BMAL1: variants seen among roughly 807,000 people sequenced by gnomAD.
The protein encoded by BMAL1 is basic helix-loop-helix ARNT like 1.
At chr11:13,316,589 A>G in the BMAL1 span, among the ~76,000 whole-genome samples, 1 of 152,176 alleles carries the variant, frequency 6.6e-6, no homozygotes, top group Non-Finnish European at 1.5e-5. Flanking sequence ...TGAAAACCCT[A>G]CCTAGATTCC....
At chr11:13,294,629 G>A in the BMAL1 span, among the ~76,000 whole-genome samples, 3 of 152,196 alleles carry the variant, frequency 2.0e-5, no homozygotes, top group African/African-American at 7.2e-5. Flanking sequence ...CAAGCCAAGG[G>A]CTTATAATGT....
At chr11:13,338,107 G>A in the BMAL1 span, among the ~76,000 whole-genome samples, 1 of 152,222 alleles carries the variant, frequency 6.6e-6, no homozygotes, top group Middle Eastern at 3.4e-3. Context: ...TACGACTCAT[G>A]CCTGTTCAGA....
chr11:13,331,636 T>A, the BMAL1 span, among the ~76,000 whole-genome samples: 1 of 152,188 alleles, frequency 6.6e-6, no homozygotes, highest in Non-Finnish European at 1.5e-5. Context: ...GCCCCACCCC[T>A]GGTAGAAGAA....
chr11:13,334,831 G>T, the BMAL1 span, among the ~76,000 whole-genome samples: 1 of 152,216 alleles, frequency 6.6e-6, no homozygotes, highest in Non-Finnish European at 1.5e-5. Flanking sequence ...GAGAAAGATG[G>T]CCCATGACTT....
At chr11:13,297,594 CTTGCCA>C in the BMAL1 span, among the ~76,000 whole-genome samples, 1 of 152,150 alleles carries the variant, frequency 6.6e-6, no homozygotes, top group African/African-American at 2.4e-5. Context: ...GCCCATTGCC[CTTGCCA>C]TGTGTCCCCA....
At chr11:13,295,588 T>G in the BMAL1 span, among the ~76,000 whole-genome samples, 2 of 152,252 alleles carry the variant, frequency 1.3e-5, no homozygotes, top group African/African-American at 4.8e-5. Flanking sequence ...TGGACCAGCC[T>G]GGGGCCTTCA....
At chr11:13,374,281 A>G in the BMAL1 span, 4 of 1,311,212 alleles carry the variant, frequency 3.1e-6, no homozygotes, top group Non-Finnish European at 3.3e-6. Flanking sequence ...TTCCAGGGAA[A>G]TCTGTCCACT....
chr11:13,372,483 C>A, the BMAL1 span: 1 of 1,571,302 alleles, frequency 6.4e-7, no homozygotes, highest in African/African-American at 1.4e-5. Context: ...GCAGAGAAGA[C>A]TGGGCCATCA....
chr11:13,304,810 G>A, the BMAL1 span, among the ~76,000 whole-genome samples: 2 of 152,190 alleles, frequency 1.3e-5, no homozygotes, highest in Non-Finnish European at 2.9e-5. Flanking sequence ...ACCCACAAAA[G>A]TGCACAAAAG....
chr11:13,360,121 G>T, the BMAL1 span, among the ~76,000 whole-genome samples: 1 of 152,128 alleles, frequency 6.6e-6, no homozygotes, highest in African/African-American at 2.4e-5. Context: ...GGCTTGTTAG[G>T]TCTCCTGTGG....
the BMAL1 span, among the ~76,000 whole-genome samples, chr11:13,341,363 G>T: frequency 1.3e-5 from 2 of 152,206 alleles, no homozygotes; most frequent in Non-Finnish European, 2.9e-5. Context: ...TTCCATCCAA[G>T]ATCCTATAAT....
chr11:13,342,057 A>G, the BMAL1 span, among the ~76,000 whole-genome samples: 1 of 152,310 alleles, frequency 6.6e-6, no homozygotes, highest in East Asian at 1.9e-4. Flanking sequence ...AGAGGGGAAC[A>G]AGGCCTGGAC....
chr11:13,306,847 C>T, the BMAL1 span, among the ~76,000 whole-genome samples: 1 of 152,258 alleles, frequency 6.6e-6, no homozygotes, highest in African/African-American at 2.4e-5. Context: ...GTCCAGTTGG[C>T]TCCTTGCCTT....
chr11:13,365,823 C>A, the BMAL1 span, among the ~76,000 whole-genome samples: 44 of 152,310 alleles, frequency 2.9e-4, no homozygotes, highest in African/African-American at 1.0e-3. Flanking sequence ...TGGCTTTCTT[C>A]TATTGCTGCA....
chr11:13,290,554 T>G, the BMAL1 span, among the ~76,000 whole-genome samples: 4 of 132,908 alleles, frequency 3.0e-5, no homozygotes, highest in East Asian at 8.4e-4. Context: ...GCATTACAAG[T>G]GTATATATTA....
At chr11:13,364,446 C>T in the BMAL1 span, among the ~76,000 whole-genome samples, 1 of 152,148 alleles carries the variant, frequency 6.6e-6, no homozygotes, top group South Asian at 2.1e-4. Context: ...TCATGAAGGC[C>T]CTTTTGTGGA....
At chr11:13,307,852 C>T in the BMAL1 span, among the ~76,000 whole-genome samples, 2 of 152,160 alleles carry the variant, frequency 1.3e-5, no homozygotes, top group African/African-American at 4.8e-5. Flanking sequence ...CCGAGGCCCG[C>T]GAGTCTGCTT....
the BMAL1 span, chr11:13,366,851 A>AGGGC: frequency 7.8e-7 from 1 of 1,286,134 alleles, no homozygotes; most frequent in Non-Finnish European, 1.1e-6. Flanking sequence ...GAGTGAGCAG[A>AGGGC]GGGCGGGTGT....
chr11:13,386,366 C>CTG, the BMAL1 span, among the ~76,000 whole-genome samples: 116,611 of 151,884 alleles, frequency 0.77, 45,631 homozygotes, highest in Middle Eastern at 0.88. Flanking sequence ...TTCCTTAGAG[C>CTG]TGTCTCTTCA....
Sources: gnomAD v4.1 joint callset for allele counts (sites outside exome capture counted in the v4.1 genomes callset) on GRCh38, gnomAD v4.1.1 for gene constraint, MANE v1.5 for transcripts, NCBI Gene and HGNC (gene_info 2026-07-23, HGNC 2026-07-21) for gene names.